The following LINGO2 variants were observed in gnomAD, a reference collection of about 807,000 sequenced individuals.
LINGO2 encodes leucine-rich repeat and immunoglobulin-like domain-containing nogo receptor-interacting protein 2.
Under a neutral mutation model 30.6 loss-of-function variants are expected in LINGO2, and 14 were observed. The observed-to-expected ratio is 0.46, with a 90% CI of 0.30 to 0.72. The LOEUF is 0.72. Ranked by LOEUF, LINGO2 falls within the 30% of genes least tolerant of loss-of-function variation. The probability of loss-of-function intolerance (pLI) is 0.07; values close to 1 mark genes in which losing one functional copy is unlikely to be tolerated. For missense variants in LINGO2, 729 were observed against 751.7 expected (o/e 0.97, Z 0.35); for synonymous variants, 317 against 288.5 (o/e 1.10, Z -1.00).
the LINGO2 span, among the ~76,000 whole-genome samples, chr9:28,875,263 C>T: frequency 2.6e-5 from 4 of 152,032 alleles, no homozygotes; most frequent in African/African-American, 9.7e-5. Flanking sequence ...TATTTTGCCA[C>T]ATCTGCTTCA....
chr9:28,708,522 T>A, the LINGO2 span, among the ~76,000 whole-genome samples: 1 of 152,090 alleles, frequency 6.6e-6, no homozygotes, highest in African/African-American at 2.4e-5. Context: ...AATAATAAAA[T>A]GCTTATCTTT....
chr9:28,277,736 G>A (rs369563780), intron 4 of LINGO2, among the ~76,000 whole-genome samples: 1 of 151,746 alleles, frequency 6.6e-6, no homozygotes, highest in Non-Finnish European at 1.5e-5. Context: ...TTGAACCCAG[G>A]AGGTGGAGGT....
intron 1 of LINGO2, among the ~76,000 whole-genome samples, chr9:28,598,182 G>T (rs1320873245): frequency 2.0e-5 from 3 of 151,956 alleles, no homozygotes; most frequent in Non-Finnish European, 4.4e-5. Context: ...AATTCCAAAG[G>T]AAACTTATCT....
At chr9:28,427,349 T>C (rs942745361) in intron 2 of LINGO2, among the ~76,000 whole-genome samples, 1 of 152,096 alleles carries the variant, frequency 6.6e-6, no homozygotes, top group Non-Finnish European at 1.5e-5. Context: ...GCTTAAGAGA[T>C]ATGAAGGCCC....
At chr9:28,548,471 C>T (rs1032346054) in intron 1 of LINGO2, among the ~76,000 whole-genome samples, 16 of 151,820 alleles carry the variant, frequency 1.1e-4, no homozygotes, top group East Asian at 5.8e-4. Context: ...TTTGGGAGGC[C>T]GAGACGGGTG....
At chr9:28,536,810 C>A (rs1821455670) in intron 1 of LINGO2, among the ~76,000 whole-genome samples, 1 of 151,956 alleles carries the variant, frequency 6.6e-6, no homozygotes, top group Non-Finnish European at 1.5e-5. Context: ...TCTGAGATTC[C>A]TCAGACTCTA....
At chr9:28,414,746 T>G (rs796312733) in intron 2 of LINGO2, among the ~76,000 whole-genome samples, 9 of 152,242 alleles carry the variant, frequency 5.9e-5, no homozygotes, top group African/African-American at 2.2e-4. Context: ...TCCCCTCAAC[T>G]GGGCTTCATT....
the LINGO2 span, among the ~76,000 whole-genome samples, chr9:29,066,139 T>C: frequency 1.3e-5 from 2 of 151,814 alleles, no homozygotes; most frequent in African/African-American, 4.8e-5. Flanking sequence ...TCGCAAGTTA[T>C]TAATATTTAT....
At chr9:29,158,146 G>A in the LINGO2 span, among the ~76,000 whole-genome samples, 3 of 150,484 alleles carry the variant, frequency 2.0e-5, no homozygotes, top group African/African-American at 4.9e-5. Context: ...TTCAAGACCA[G>A]CCAGGGCAAC....
At chr9:28,953,371 T>C in the LINGO2 span, among the ~76,000 whole-genome samples, 1 of 152,132 alleles carries the variant, frequency 6.6e-6, no homozygotes, top group Non-Finnish European at 1.5e-5. Flanking sequence ...TTAATGTATA[T>C]AAATTTTCAT....
At chr9:29,213,380 T>A in the LINGO2 span, among the ~76,000 whole-genome samples, 1 of 152,162 alleles carries the variant, frequency 6.6e-6, no homozygotes, top group African/African-American at 2.4e-5. Flanking sequence ...GAAGAGCCAC[T>A]CCAAGGCACA....
intron 1 of LINGO2, among the ~76,000 whole-genome samples, chr9:28,624,566 T>A (rs1023977638): frequency 6.6e-6 from 1 of 152,000 alleles, no homozygotes; most frequent in African/African-American, 2.4e-5. Context: ...TTGAATTTGG[T>A]TTGCTTAGTA....
In LINGO2 at chr9:28,333,093, G is replaced by A. The variant is rs75424652; in HGVS notation, c.-245-37727C>T. On this transcript the variant is annotated intron_variant, in intron 3 of 5. Coordinates refer to ENST00000379992, the Ensembl canonical transcript of LINGO2. ...CTTTCCAAAAATCAGTCAGTAAAAAGAAGAGACACATCCACAGGAAACATC... is the reference window on the plus strand; with the variant it reads ...CTTTCCAAAAATCAGTCAGTAAAAAAAAGAGACACATCCACAGGAAACATC... Among the ~76,000 whole-genome samples, 703 of 152,216 alleles carry A rather than the reference G, an allele frequency of 4.6e-3. 7 individuals are homozygous for A. Among genetic ancestry groups the A allele is most frequent in the African/African-American group, 0.012 (504 of 41,536 alleles).
intron 4 of LINGO2, among the ~76,000 whole-genome samples, chr9:28,241,380 G>T (rs1821791652): frequency 6.6e-6 from 1 of 150,658 alleles, no homozygotes; most frequent in Non-Finnish European, 1.5e-5. Flanking sequence ...CCATCAAAAA[G>T]ATCCAAACAG....
downstream of LINGO2, among the ~76,000 whole-genome samples, chr9:27,947,892 A>C (rs1413753300): frequency 6.6e-6 from 1 of 152,164 alleles, no homozygotes; most frequent in Non-Finnish European, 1.5e-5. Context: ...ATTTTCTATT[A>C]ACCCGCTAAT....
At chr9:28,931,680 G>A in the LINGO2 span, among the ~76,000 whole-genome samples, 2 of 152,158 alleles carry the variant, frequency 1.3e-5, no homozygotes, top group African/African-American at 4.8e-5. Flanking sequence ...TAAGAGCTTA[G>A]GTTGAGGAAA....
intron 4 of LINGO2, among the ~76,000 whole-genome samples, chr9:28,210,276 T>C (rs1820544004): frequency 6.6e-6 from 1 of 151,658 alleles, no homozygotes; most frequent in Admixed American, 6.6e-5. Flanking sequence ...GCAAAAATAC[T>C]GAGCAATTTT....
At chr9:28,840,605 C>T in the LINGO2 span, among the ~76,000 whole-genome samples, 1 of 151,796 alleles carries the variant, frequency 6.6e-6, no homozygotes, top group African/African-American at 2.4e-5. Flanking sequence ...AGGATGCTTT[C>T]AAGGATGGGA....
At chr9:28,193,022 T>G (rs1280948959) in intron 4 of LINGO2, among the ~76,000 whole-genome samples, 1 of 152,194 alleles carries the variant, frequency 6.6e-6, no homozygotes, top group Non-Finnish European at 1.5e-5. Flanking sequence ...TAGTGCTGAA[T>G]AGCTCACATT....
Sources: allele counts gnomAD v4.1 joint callset (sites outside exome capture counted in the v4.1 genomes callset), GRCh38; gene constraint gnomAD v4.1.1; transcripts MANE v1.5; gene names NCBI Gene and HGNC (gene_info 2026-07-23, HGNC 2026-07-21).